The following ASZ1 variants were observed in gnomAD, a reference collection of about 807,000 sequenced individuals.
ASZ1 encodes the protein ankyrin repeat, SAM and basic leucine zipper domain containing 1, also known as ankyrin repeat, SAM and basic leucine zipper domain-containing protein 1.
In ASZ1, 67 loss-of-function variants were observed where a neutral mutation model predicts 61.8. The ratio of observed to expected loss-of-function variants is 1.08; its 90% CI spans 0.89 to 1.33. ASZ1 has a LOEUF of 1.33. Among genes scored for constraint, ASZ1 ranks in the 40% most tolerant of loss-of-function variants. The pLI is 0.00. For synonymous variants in ASZ1, 193 were observed against 192.7 expected, an observed-to-expected ratio of 1.00 and a Z score of -0.01; for missense variants, 577 against 554.5, an observed-to-expected ratio of 1.04 and a Z score of -0.41.
At chr7:117,395,473 C>T (rs918627018) in intron 4 of ASZ1, among the ~76,000 whole-genome samples, 3 of 152,036 alleles carry the variant, frequency 2.0e-5, no homozygotes, top group African/African-American at 4.8e-5. Context: ...TTTTTAAATA[C>T]TGATTCATCC....
intron 4 of ASZ1, among the ~76,000 whole-genome samples, chr7:117,410,982 T>A (rs1040731325): frequency 4.6e-5 from 7 of 151,716 alleles, no homozygotes; most frequent in Non-Finnish European, 3.0e-5. Flanking sequence ...GTAGTCTATT[T>A]GATGGAGAAT....
At chr7:117,412,060 G>A in intron 4 of ASZ1, among the ~76,000 whole-genome samples, 1 of 150,002 alleles carries the variant, frequency 6.7e-6, no homozygotes, top group Non-Finnish European at 1.5e-5. Flanking sequence ...GTGTGTGTGT[G>A]TGTGTGTGTG....
intron 2 of ASZ1, among the ~76,000 whole-genome samples, chr7:117,424,466 T>C (rs1797158186): frequency 6.6e-6 from 1 of 152,190 alleles, no homozygotes; most frequent in South Asian, 2.1e-4. Context: ...GGTAAAGAAA[T>C]CTTTCTCCTT....
intron 12 of ASZ1, among the ~76,000 whole-genome samples, chr7:117,366,391 A>AATAT (rs1441405598): frequency 6.6e-6 from 1 of 152,198 alleles, no homozygotes; most frequent in Non-Finnish European, 1.5e-5. Flanking sequence ...ATATTAATGA[A>AATAT]AATGTTAAAT....
intron 4 of ASZ1, among the ~76,000 whole-genome samples, chr7:117,411,814 A>G (rs532961227): frequency 2.0e-5 from 3 of 151,936 alleles, no homozygotes; most frequent in African/African-American, 7.2e-5. Flanking sequence ...AGAGCTAGTA[A>G]ATGACAAAGT....
chr7:117,415,809 A>G (rs1300556367), intron 4 of ASZ1, among the ~76,000 whole-genome samples: 1 of 152,270 alleles, frequency 6.6e-6, no homozygotes, highest in Admixed American at 6.5e-5. Flanking sequence ...TTTAGTACAC[A>G]TACACAAATG....
intron 4 of ASZ1, among the ~76,000 whole-genome samples, chr7:117,399,247 A>G (rs748010378): frequency 6.6e-6 from 1 of 152,126 alleles, no homozygotes; most frequent in Non-Finnish European, 1.5e-5. Flanking sequence ...ACGAAGCTGA[A>G]ACTAAATGCT....
intron 4 of ASZ1, among the ~76,000 whole-genome samples, chr7:117,410,674 G>C (rs1437934781): frequency 1.3e-5 from 2 of 151,074 alleles, no homozygotes; most frequent in African/African-American, 2.4e-5. Flanking sequence ...TCATACACTA[G>C]TTCACTGATA....
At chr7:117,374,333 C>T (rs76706126) in intron 10 of ASZ1, among the ~76,000 whole-genome samples, 5,336 of 152,074 alleles carry the variant, frequency 0.035, 129 homozygotes, top group African/African-American at 0.043. Context: ...AATTCATTAA[C>T]TCATTTATCC....
intron 4 of ASZ1, among the ~76,000 whole-genome samples, chr7:117,419,401 A>G (rs1434541619): frequency 6.6e-6 from 1 of 152,184 alleles, no homozygotes; most frequent in Admixed American, 6.5e-5. Flanking sequence ...TTAGAAAAAA[A>G]CTTCCAGAGT....
At chr7:117,418,330 T>C (rs1019287539) in intron 4 of ASZ1, among the ~76,000 whole-genome samples, 7 of 152,160 alleles carry the variant, frequency 4.6e-5, no homozygotes, top group African/African-American at 1.2e-4. Flanking sequence ...TTACTAAGGA[T>C]TATACCATAT....
chr7:117,392,330 A>G (rs985982630), intron 4 of ASZ1, among the ~76,000 whole-genome samples: 4 of 152,088 alleles, frequency 2.6e-5, no homozygotes, highest in African/African-American at 7.2e-5. Context: ...GGTTAGATGT[A>G]TTCTAAAAAA....
intron 10 of ASZ1, among the ~76,000 whole-genome samples, chr7:117,372,110 C>G (rs1464028772): frequency 6.6e-6 from 1 of 152,114 alleles, no homozygotes; most frequent in East Asian, 1.9e-4. Context: ...AGTATATAAC[C>G]TACACAACTT....
At chr7:117,411,039 AATAAG>A (rs889283465) in intron 4 of ASZ1, among the ~76,000 whole-genome samples, 110 of 151,856 alleles carry the variant, frequency 7.2e-4, no homozygotes, top group African/African-American at 2.6e-3. Context: ...ACCAGACACT[AATAAG>A]ATAAAAGTCA....
chr7:117,415,650 C>G (rs970501760), intron 4 of ASZ1, among the ~76,000 whole-genome samples: 3 of 151,942 alleles, frequency 2.0e-5, no homozygotes, highest in African/African-American at 7.3e-5. Context: ...TCAATGTTTT[C>G]AGGCGTCTAC....
intron 2 of ASZ1, among the ~76,000 whole-genome samples, chr7:117,423,689 CA>C (rs60144830): frequency 0.013 from 1,002 of 76,476 alleles, 12 homozygotes; most frequent in East Asian, 0.054. Flanking sequence ...ACTAAAAATA[CA>C]AAAAAAAAAA....
At position 117,368,594 on chromosome 7, in the gene ASZ1, A is replaced by G; in HGVS notation, c.1161+18T>C. On this transcript the variant is annotated intron_variant, in intron 11 of 12. Coordinates refer to ENST00000284629, the MANE Select transcript of ASZ1 (RefSeq NM_130768.3). ...CAGTGTTCATACTTTTCTTCACTTA[A>G]TAACTTTTGTAGAATACCTTTTGAG... 1 of 1,606,654 alleles carries G rather than the reference A, an allele frequency of 6.2e-7. No individual in the cohort carries two copies. Among genetic ancestry groups the G allele is most frequent in the Non-Finnish European group, 8.5e-7 (1 of 1,177,566 alleles).
At chr7:117,377,523 G>T (rs1242159149) in intron 10 of ASZ1, among the ~76,000 whole-genome samples, 1 of 151,894 alleles carries the variant, frequency 6.6e-6, no homozygotes, top group Non-Finnish European at 1.5e-5. Context: ...GCGAGACCTG[G>T]TCTCAAAAAA....
At chr7:117,380,199 CTTATAACTGTGAT>C in intron 9 of ASZ1, 152 bp from the exon 10 acceptor site, 1 of 580,568 alleles carries the variant, frequency 1.7e-6, no homozygotes, top group Non-Finnish European at 3.0e-6. Flanking sequence ...ATATGTTTTT[CTTATAACTGTGAT>C]TGATGTTAGT....
Sources: gnomAD v4.1 joint callset for allele counts (sites outside exome capture counted in the v4.1 genomes callset) on GRCh38, gnomAD v4.1.1 for gene constraint, MANE v1.5 for transcripts, NCBI Gene and HGNC (gene_info 2026-07-23, HGNC 2026-07-21) for gene names.